CTNNA3: variants seen among roughly 807,000 people sequenced by gnomAD.
The protein encoded by CTNNA3 is catenin alpha 3.
A neutral mutation model predicts 95.7 loss-of-function variants in CTNNA3; 76 were observed. That is an observed-to-expected ratio of 0.79 (90% CI 0.66 to 0.96). The LOEUF is 0.96. CTNNA3 is among the 40% of genes least tolerant of loss of function. The pLI, the probability that CTNNA3 is intolerant of heterozygous loss-of-function variation, is 0.00. For missense variants in CTNNA3, 1,191 were observed against 1,089.8 expected (o/e 1.09, Z -1.31); for synonymous variants, 431 against 374.4 (o/e 1.15, Z -1.74).
intron 11 of CTNNA3, among the ~76,000 whole-genome samples, chr10:66,415,592 T>A (rs2093139834): frequency 1.3e-5 from 2 of 152,202 alleles, no homozygotes; most frequent in South Asian, 4.1e-4. Context: ...ATGGGGCATA[T>A]GAGCAGGCAC....
In CTNNA3 at chr10:67,726,482, T is replaced by G. The variant is rs1169190932; in HGVS notation, c.-2+36952A>C. Among the ~76,000 whole-genome samples the G allele has an allele frequency of 5.6e-4, 27 of 48,306 alleles. 1 individual carries two copies. The highest frequency in any genetic ancestry group is 8.6e-4 in the African/African-American group (11 of 12,728). 31.7% of individuals were successfully genotyped at this position (48,306 alleles called of 152,430 possible). ...TGATATATGATATAATATTATATAT[T>G]ATATCATATACAATATATAATATAT... On this transcript the variant is annotated intron_variant, in intron 1 of 17. Transcript: ENST00000684154.
intron 5 of CTNNA3, among the ~76,000 whole-genome samples, chr10:67,280,292 A>T (rs1054320980): frequency 6.7e-6 from 1 of 150,218 alleles, no homozygotes; most frequent in East Asian, 1.9e-4. Context: ...AATGTAACCA[A>T]AACTGGATGG....
At chr10:67,275,487 T>C (rs1391530595) in intron 5 of CTNNA3, among the ~76,000 whole-genome samples, 3 of 152,120 alleles carry the variant, frequency 2.0e-5, no homozygotes, top group South Asian at 2.1e-4. Context: ...AGAAATTATT[T>C]TTAAAAAATG....
chr10:67,250,459 C>T (rs1866062213), intron 5 of CTNNA3, among the ~76,000 whole-genome samples: 1 of 151,992 alleles, frequency 6.6e-6, no homozygotes, highest in Non-Finnish European at 1.5e-5. Flanking sequence ...TCATGATCTG[C>T]TCACCTCGGC....
At chr10:67,327,629 C>T (rs1407291495) in intron 5 of CTNNA3, among the ~76,000 whole-genome samples, 2 of 152,164 alleles carry the variant, frequency 1.3e-5, no homozygotes, top group Admixed American at 6.5e-5. Flanking sequence ...GAGGTGCTCC[C>T]AGACCACTGG....
intron 15 of CTNNA3, among the ~76,000 whole-genome samples, chr10:66,009,457 G>C (rs12570476): frequency 0.031 from 4,757 of 152,182 alleles, 105 homozygotes; most frequent in East Asian, 0.066. Flanking sequence ...TACACTAAAG[G>C]AGAGTGTCAA....
At chr10:67,369,256 A>G (rs1843327164) in intron 5 of CTNNA3, among the ~76,000 whole-genome samples, 1 of 152,206 alleles carries the variant, frequency 6.6e-6, no homozygotes. Context: ...GAAAAAAGTG[A>G]TATCTCAAAC....
intron 9 of CTNNA3, among the ~76,000 whole-genome samples, chr10:66,665,735 A>C (rs550897097): frequency 6.6e-6 from 1 of 152,346 alleles, no homozygotes; most frequent in East Asian, 1.9e-4. Flanking sequence ...TGACAGTGTC[A>C]GAAATTCCTG....
At chr10:67,158,036 C>T (rs1861385160) in intron 7 of CTNNA3, among the ~76,000 whole-genome samples, 1 of 152,022 alleles carries the variant, frequency 6.6e-6, no homozygotes, top group Admixed American at 6.6e-5. Flanking sequence ...TCGGCCCACC[C>T]AGAATTCCAC....
At chr10:67,331,700 C>T (rs1296683384) in intron 5 of CTNNA3, among the ~76,000 whole-genome samples, 1 of 152,114 alleles carries the variant, frequency 6.6e-6, no homozygotes, top group Non-Finnish European at 1.5e-5. Context: ...AGTATCTTTC[C>T]TAGCCAAACA....
chr10:66,420,417 A>C (rs1044183786), intron 11 of CTNNA3, among the ~76,000 whole-genome samples: 3 of 152,148 alleles, frequency 2.0e-5, no homozygotes, highest in Non-Finnish European at 4.4e-5. Context: ...TTAAAAACGC[A>C]GTAAAATATC....
intron 9 of CTNNA3, among the ~76,000 whole-genome samples, chr10:66,679,846 G>A (rs1847002770): frequency 6.6e-6 from 1 of 152,090 alleles, no homozygotes; most frequent in Non-Finnish European, 1.5e-5. Flanking sequence ...AAGCAACAAT[G>A]CAAAGGGTGA....
chr10:66,479,510 A>T (rs72791572), intron 11 of CTNNA3, among the ~76,000 whole-genome samples: 3,426 of 152,154 alleles, frequency 0.023, 143 homozygotes, highest in East Asian at 0.18. Flanking sequence ...CATCTTTACA[A>T]TATTAAATAT....
intron 7 of CTNNA3, among the ~76,000 whole-genome samples, chr10:67,014,112 G>A (rs1852509080): frequency 6.6e-6 from 1 of 152,128 alleles, no homozygotes. Flanking sequence ...TTGGTTCATT[G>A]TAGAAGTCGA....
intron 7 of CTNNA3, among the ~76,000 whole-genome samples, chr10:67,044,098 C>T (rs886378390): frequency 6.6e-6 from 1 of 151,918 alleles, no homozygotes; most frequent in Non-Finnish European, 1.5e-5. Context: ...CCTCCTCCCT[C>T]TTTCCCCCCA....
rs750242654 is a variant in CTNNA3 at position 66,927,198 on chromosome 10, T to C, written c.1048-151674A>G. On this transcript the variant is annotated intron_variant, in intron 7 of 17. Transcript: ENST00000433211. This position sits in a 1 kb window ranked among gnomAD's most constrained non-coding sequence, Gnocchi z 4.7. Reference sequence around the variant, plus strand: ...AGCTCACCTGGCTATACCTTGACCATAACCATATCAGCAATATTGACGAAA... The same window carrying C: ...AGCTCACCTGGCTATACCTTGACCACAACCATATCAGCAATATTGACGAAA... The C allele has an allele frequency of 1.2e-6, 2 of 1,614,056 alleles. No homozygotes were observed. The highest frequency in any genetic ancestry group is 2.7e-5 in the African/African-American group (2 of 74,924).
chr10:66,230,731 T>C (rs1457146306), intron 13 of CTNNA3, among the ~76,000 whole-genome samples: 1 of 152,026 alleles, frequency 6.6e-6, no homozygotes, highest in Non-Finnish European at 1.5e-5. Context: ...TCCCTGATGG[T>C]GATGGAAAGC....
chr10:66,961,146 A>C (rs567168187), intron 7 of CTNNA3, among the ~76,000 whole-genome samples: 3 of 152,356 alleles, frequency 2.0e-5, no homozygotes, highest in South Asian at 2.1e-4. Context: ...ATTTCAAAAA[A>C]AGTTACGAAC....
chr10:66,543,687 G>A (rs1841938089), intron 10 of CTNNA3, among the ~76,000 whole-genome samples: 2 of 151,186 alleles, frequency 1.3e-5, no homozygotes, highest in African/African-American at 4.8e-5. Context: ...CTCTCTTAGA[G>A]CTGATTCAAA....
Sources: gnomAD v4.1 joint callset for allele counts (sites outside exome capture counted in the v4.1 genomes callset) on GRCh38, gnomAD v4.1.1 for gene constraint, Gnocchi (gnomAD v3.1) non-coding constraint, MANE v1.5 for transcripts, NCBI Gene and HGNC (gene_info 2026-07-23, HGNC 2026-07-21) for gene names.